Variants in ATP13A4 observed in about 807,000 individuals in gnomAD.
The protein encoded by ATP13A4 is probable cation-transporting ATPase 13A4.
Under a neutral mutation model 142.5 loss-of-function variants are expected in ATP13A4, and 114 were observed. That is an observed-to-expected ratio of 0.80 (90% CI 0.69 to 0.93). The LOEUF is 0.93. ATP13A4 is among the 40% of genes least tolerant of loss of function. The probability of loss-of-function intolerance (pLI) is 0.00; values close to 1 mark genes in which losing one functional copy is unlikely to be tolerated. For synonymous variants in ATP13A4, 488 were observed against 514.8 expected, an observed-to-expected ratio of 0.95 and a Z score of 0.70; for missense variants, 1,392 against 1,454.0, an observed-to-expected ratio of 0.96 and a Z score of 0.69.
At chr3:193,520,750 G>A (rs889189463) in intron 1 of ATP13A4, among the ~76,000 whole-genome samples, 13 of 152,174 alleles carry the variant, frequency 8.5e-5, no homozygotes, top group Admixed American at 6.5e-4. Context: ...CTACTGGCAT[G>A]CAGCTGAGTC....
intron 7 of ATP13A4, among the ~76,000 whole-genome samples, chr3:193,486,862 A>T (rs554678152): frequency 6.6e-6 from 1 of 152,354 alleles, no homozygotes; most frequent in African/African-American, 2.4e-5. Flanking sequence ...AATTTTTTAA[A>T]TAGCAAGTTA....
intron 1 of ATP13A4, among the ~76,000 whole-genome samples, chr3:193,526,897 T>C (rs1199732018): frequency 6.6e-6 from 1 of 152,172 alleles, no homozygotes; most frequent in Non-Finnish European, 1.5e-5. Context: ...TTTCACTTTA[T>C]TATTAAATCG....
intron 8 of ATP13A4, among the ~76,000 whole-genome samples, chr3:193,479,007 A>T (rs983732753): frequency 2.0e-5 from 3 of 152,208 alleles, no homozygotes; most frequent in Admixed American, 6.5e-5. Context: ...AAGAAAATTG[A>T]AAACAAAATC....
At chr3:193,559,417 A>G (rs1723968596), upstream of ATP13A4, among the ~76,000 whole-genome samples, 1 of 152,112 alleles carries the variant, frequency 6.6e-6, no homozygotes, top group Non-Finnish European at 1.5e-5. Context: ...AGTACTTGAG[A>G]CCTTTAGTTA....
chr3:193,585,646 T>C lies in ATP13A4; in HGVS notation n.92-3740A>G, dbSNP rs1724653587. 2.0e-5 allele frequency among the ~76,000 whole-genome samples: 3 copies of C among 152,190 alleles called. No homozygotes were observed. The South Asian group carries it at 6.2e-4, about 32-fold the overall frequency. ...TCTTTTTTGAGTTCAGCGCGTCTGT[T>C]AGATTCATTCGTGTTGTTACATGTA... On this transcript the variant is annotated intron_variant and non_coding_transcript_variant, in intron 1 of 3. Transcript: ENST00000489140.
chr3:193,489,096 T>C (rs1159687988), intron 7 of ATP13A4, among the ~76,000 whole-genome samples: 1 of 152,140 alleles, frequency 6.6e-6, no homozygotes, highest in Non-Finnish European at 1.5e-5. Flanking sequence ...GAGTGGAATA[T>C]GAGAAGATGG....
At chr3:193,512,120 G>A (rs1025903902) in intron 2 of ATP13A4, among the ~76,000 whole-genome samples, 11 of 152,202 alleles carry the variant, frequency 7.2e-5, no homozygotes, top group African/African-American at 2.4e-4. Flanking sequence ...GCAAGGCAGA[G>A]CGTGGTTCTG....
intron 25 of ATP13A4, among the ~76,000 whole-genome samples, chr3:193,430,470 A>G (rs1715908090): frequency 6.6e-6 from 1 of 152,170 alleles, no homozygotes; most frequent in African/African-American, 2.4e-5. Flanking sequence ...AAAGATAAAT[A>G]TAGTAACTTC....
rs373555206 is a variant in ATP13A4 at position 193,478,479 on chromosome 3, C to T, written c.808+5457G>A. ...TAACACAGAAACACAAAAGATCATT[C>T]AAGGATACTATGAACACCTATATGC... is the stretch of plus-strand genomic sequence containing the variant. On this transcript the variant is annotated intron_variant, in intron 8 of 29. Coordinates refer to ENST00000342695, the MANE Select transcript of ATP13A4 (RefSeq NM_032279.4). 3.9e-5 allele frequency among the ~76,000 whole-genome samples: 6 copies of T among 151,986 alleles called. No individual in the cohort carries two copies. In the South Asian group the frequency reaches 6.2e-4, roughly 16 times the overall value.
At position 193,412,286 on chromosome 3, in the gene ATP13A4, T is replaced by G. The variant is rs1448237091; in HGVS notation, c.3100A>C (p.Thr1034Pro). 2 of 1,613,686 alleles carry G rather than the reference T, an allele frequency of 1.2e-6. No individual in the cohort carries two copies. Among genetic ancestry groups the G allele is most frequent in the Non-Finnish European group, 1.7e-6 (2 of 1,179,588 alleles). The change falls in exon 27 of 30, where the codon ACA (threonine) becomes CCA (proline). Residue 1034 changes from threonine to proline, a missense_variant. Physicochemically the swap from Thr to Pro is conservative, Grantham distance 38. Coordinates refer to ENST00000342695, the MANE Select transcript of ATP13A4 (RefSeq NM_032279.4). ...PEKMESNSTF[T>P]SFENTTVWFL... ...CAGACTGTAGTGTTCTCAAAACTTG[T>G]GAAGGTGCTATTACTTTCCATTTTT...
intron 7 of ATP13A4, among the ~76,000 whole-genome samples, chr3:193,489,169 C>T (rs1223546929): frequency 1.3e-5 from 2 of 152,096 alleles, no homozygotes; most frequent in African/African-American, 4.8e-5. Flanking sequence ...CAGAAGAGCA[C>T]CTTGATTAGA....
At chr3:193,475,903 G>A (rs189366450) in intron 8 of ATP13A4, among the ~76,000 whole-genome samples, 1 of 152,110 alleles carries the variant, frequency 6.6e-6, no homozygotes, top group East Asian at 1.9e-4. Context: ...GCATTAGTTT[G>A]TCACTCTGAG....
chr3:193,522,932 G>A (rs1358068705), intron 1 of ATP13A4, among the ~76,000 whole-genome samples: 2 of 152,082 alleles, frequency 1.3e-5, no homozygotes, highest in African/African-American at 4.8e-5. Context: ...TTTTGTCTTT[G>A]TCTCCAGTTT....
chr3:193,529,929 A>G (rs1722224945), intron 1 of ATP13A4, among the ~76,000 whole-genome samples: 2 of 152,340 alleles, frequency 1.3e-5, no homozygotes, highest in African/African-American at 2.4e-5. Context: ...CTGATTAGGT[A>G]AATGCATAAG....
intron 1 of ATP13A4, among the ~76,000 whole-genome samples, chr3:193,515,632 A>G (rs1721368879): frequency 6.6e-6 from 1 of 152,198 alleles, no homozygotes; most frequent in African/African-American, 2.4e-5. Context: ...GGATATTATT[A>G]GACCCCAGAG....
intron 2 of ATP13A4, among the ~76,000 whole-genome samples, chr3:193,567,695 C>T (rs570780532): frequency 5.7e-4 from 87 of 152,306 alleles, no homozygotes; most frequent in African/African-American, 1.9e-3. Context: ...GGAAGTTTAG[C>T]TACCATGTGT....
chr3:193,513,903 G>A (rs996653354), intron 2 of ATP13A4, among the ~76,000 whole-genome samples: 14 of 152,156 alleles, frequency 9.2e-5, no homozygotes, highest in African/African-American at 1.9e-4. Flanking sequence ...GTCAGGAATC[G>A]AGAGGAACGG....
intron 2 of ATP13A4, among the ~76,000 whole-genome samples, chr3:193,510,827 TAATAA>T (rs1457462617): frequency 1.3e-5 from 2 of 152,192 alleles, no homozygotes; most frequent in Non-Finnish European, 1.5e-5. Flanking sequence ...ACTGATTTTT[TAATAA>T]CATGAAGAAC....
At chr3:193,474,743 A>AG (rs1718861629) in intron 8 of ATP13A4, among the ~76,000 whole-genome samples, 1 of 151,052 alleles carries the variant, frequency 6.6e-6, no homozygotes, top group Admixed American at 6.6e-5. Flanking sequence ...AAAGAAAGAA[A>AG]GAAAGGAAAA....
Sources: gnomAD v4.1 joint callset for allele counts (sites outside exome capture counted in the v4.1 genomes callset) on GRCh38, gnomAD v4.1.1 for gene constraint, MANE v1.5 for transcripts, NCBI Gene and HGNC (gene_info 2026-07-23, HGNC 2026-07-21) for gene names.